The following NFIB variants were observed in gnomAD, a reference collection of about 807,000 sequenced individuals.
NFIB encodes the protein nuclear factor I B.
NFIB carries 11 observed loss-of-function variants against 61.5 expected under a neutral mutation model. The observed-to-expected ratio is 0.18, with a 90% confidence interval of 0.11 to 0.30. NFIB has a LOEUF of 0.30. NFIB is among the 10% of genes least tolerant of loss of function. The pLI is 1.00. For synonymous variants in NFIB, 260 were observed against 216.5 expected (o/e 1.20, Z -1.76); for missense variants, 471 against 608.9 (o/e 0.77, Z 2.38).
Position 14,110,254 on chromosome 9 carries a change from T to C in NFIB, c.1467+2745A>G, listed in dbSNP as rs572553026. Reference sequence around the variant, plus strand: ...TTAACTCTAATTTATGTAGGCTCTATTAAAGTTCTTTTCTAAGAAAAACAA... The same window carrying C: ...TTAACTCTAATTTATGTAGGCTCTACTAAAGTTCTTTTCTAAGAAAAACAA... On this transcript the variant is annotated intron_variant, in intron 10 of 10. Coordinates refer to ENST00000380953, the MANE Select transcript of NFIB (RefSeq NM_001190737.2). 1.4e-4 allele frequency among the ~76,000 whole-genome samples: 21 copies of C among 152,182 alleles called. No individual in the cohort carries two copies. In the South Asian group the frequency reaches 3.9e-3, roughly 29 times the overall value.
chr9:14,160,857 A>T (rs1010259017), intron 3 of NFIB, among the ~76,000 whole-genome samples: 4 of 149,736 alleles, frequency 2.7e-5, no homozygotes, highest in African/African-American at 9.8e-5. Flanking sequence ...AAAAACAGAA[A>T]AAAAGAAGAA....
the NFIB span, among the ~76,000 whole-genome samples, chr9:14,465,868 A>G: frequency 6.6e-6 from 1 of 152,298 alleles, no homozygotes; most frequent in Non-Finnish European, 1.5e-5. Context: ...GCCAGTAGCA[A>G]CAATACTCCC....
At chr9:14,472,795 C>G in the NFIB span, among the ~76,000 whole-genome samples, 1 of 151,698 alleles carries the variant, frequency 6.6e-6, no homozygotes, top group Non-Finnish European at 1.5e-5. Context: ...GAGCCGAGAT[C>G]GAGCCAACGC....
upstream of NFIB, among the ~76,000 whole-genome samples, chr9:14,401,377 T>C (rs570837317): frequency 2.0e-5 from 3 of 152,306 alleles, no homozygotes; most frequent in East Asian, 3.9e-4. Flanking sequence ...TCGTGAGGCC[T>C]TGCTTCCAAT....
At chr9:14,440,390 C>G in the NFIB span, among the ~76,000 whole-genome samples, 1 of 152,134 alleles carries the variant, frequency 6.6e-6, no homozygotes, top group Non-Finnish European at 1.5e-5. Context: ...TTTAATTGGC[C>G]TATTTTTTTT....
intron 3 of NFIB, among the ~76,000 whole-genome samples, chr9:14,171,159 C>A (rs2045524360): frequency 1.3e-5 from 2 of 152,198 alleles, no homozygotes; most frequent in Admixed American, 6.5e-5. Context: ...ACAAATCTGA[C>A]TTGCTGAAAA....
At chr9:14,485,108 C>A in the NFIB span, among the ~76,000 whole-genome samples, 3 of 152,258 alleles carry the variant, frequency 2.0e-5, no homozygotes, top group South Asian at 6.2e-4. Context: ...CCTTAATTAC[C>A]TCCCAAGTAG....
chr9:14,378,845 A>C (rs892545988), intron 1 of NFIB, among the ~76,000 whole-genome samples: 2 of 152,154 alleles, frequency 1.3e-5, no homozygotes, highest in African/African-American at 4.8e-5. Flanking sequence ...TACAGAAGAG[A>C]TAAATCAGGG....
intron 2 of NFIB, among the ~76,000 whole-genome samples, chr9:14,215,248 A>G (rs2050731852): frequency 6.7e-6 from 1 of 149,274 alleles, no homozygotes; most frequent in African/African-American, 2.6e-5. Context: ...GCATATTGGA[A>G]CCGAAGAAAA....
intron 2 of NFIB, among the ~76,000 whole-genome samples, chr9:14,253,657 C>T (rs2055900531): frequency 6.6e-6 from 1 of 151,848 alleles, no homozygotes. Context: ...ACAGTGAGAC[C>T]CCATTTCCAA....
At chr9:14,289,858 T>C (rs572894787) in intron 2 of NFIB, among the ~76,000 whole-genome samples, 13 of 152,002 alleles carry the variant, frequency 8.6e-5, no homozygotes, top group Admixed American at 1.3e-4. Flanking sequence ...GTCAGTGCTA[T>C]TGGAAACATA....
At chr9:14,380,178 A>C (rs1434386163) in intron 1 of NFIB, among the ~76,000 whole-genome samples, 2 of 152,202 alleles carry the variant, frequency 1.3e-5, no homozygotes, top group East Asian at 3.8e-4. Flanking sequence ...AAAATTCTGA[A>C]TGACAGGCAG....
At chr9:14,526,480 T>C in the NFIB span, among the ~76,000 whole-genome samples, 1 of 152,210 alleles carries the variant, frequency 6.6e-6, no homozygotes, top group Non-Finnish European at 1.5e-5. Context: ...TAGCTACATA[T>C]ATCCCTTAGC....
the NFIB span, among the ~76,000 whole-genome samples, chr9:14,513,663 G>GAAAAGAAAAAGAAAAAGA: frequency 1.4e-5 from 2 of 145,206 alleles, no homozygotes; most frequent in Non-Finnish European, 3.0e-5. Flanking sequence ...AAAAGAAAAA[G>GAAAAGAAAAAGAAAAAGA]AAAAAAAAAG....
chr9:14,134,034 T>C (rs2040711877), intron 6 of NFIB, among the ~76,000 whole-genome samples: 1 of 152,186 alleles, frequency 6.6e-6, no homozygotes. Context: ...GGAGCTATCC[T>C]GGCTCATGGG....
chr9:14,318,046 G>A (rs1416074693), upstream of NFIB, among the ~76,000 whole-genome samples: 2 of 152,108 alleles, frequency 1.3e-5, no homozygotes, highest in East Asian at 1.9e-4. Flanking sequence ...ACACTGAGAG[G>A]GTTAAAAGCA....
intron 10 of NFIB, among the ~76,000 whole-genome samples, chr9:14,111,071 CT>C (rs1293082783): frequency 1.3e-5 from 2 of 151,968 alleles, no homozygotes; most frequent in Non-Finnish European, 2.9e-5. Flanking sequence ...TGTAAGTGGT[CT>C]CGATTCAATG....
the NFIB span, among the ~76,000 whole-genome samples, chr9:14,519,303 T>C: frequency 0.7 from 106,908 of 152,002 alleles, 37,769 homozygotes; most frequent in Admixed American, 0.75. Flanking sequence ...CTAAGTAAGA[T>C]TGGATCTCTG....
rs529460465 is a variant in NFIB, at chr9:14,397,573, C to T, written c.108+951G>A. Among the ~76,000 whole-genome samples the T allele has an allele frequency of 3.3e-5, 5 of 152,264 alleles. No individual in the cohort carries two copies. The South Asian group carries it at 1.0e-3, about 32-fold the overall frequency. ...AAATTATTCACAAGTCTTTATCTGG[C>T]CCAAAACTAAGGACCCAGGGTCATT... is the stretch of plus-strand genomic sequence containing the variant. On this transcript the variant is annotated intron_variant, in intron 1 of 8. Coordinates refer to the NFIB transcript ENST00000380934.
Sources: allele counts gnomAD v4.1 joint callset (sites outside exome capture counted in the v4.1 genomes callset), GRCh38; gene constraint gnomAD v4.1.1; transcripts MANE v1.5; gene names NCBI Gene and HGNC (gene_info 2026-07-23, HGNC 2026-07-21).